PDE4D: variants seen among roughly 807,000 people sequenced by gnomAD.
PDE4D encodes phosphodiesterase 4D.
Under a neutral mutation model 87.4 loss-of-function variants are expected in PDE4D, and 24 were observed. The observed-to-expected ratio is 0.27, with a 90% CI of 0.20 to 0.39. The LOEUF (loss-of-function observed/expected upper bound fraction) is 0.39. PDE4D is among the 10% of genes least tolerant of loss of function. PDE4D has a pLI of 1.00. For missense variants in PDE4D, 714 were observed against 1,041.0 expected (o/e 0.69, Z 4.32); for synonymous variants, 384 against 383.2 (o/e 1.00, Z -0.02).
At chr5:59,000,364 T>TA (rs1389090311) in intron 6 of PDE4D, among the ~76,000 whole-genome samples, 1 of 152,178 alleles carries the variant, frequency 6.6e-6, no homozygotes, top group African/African-American at 2.4e-5. Context: ...CCAAAACAAG[T>TA]GGCTCCCTGG....
chr5:59,658,805 A>T (rs1047459359), intron 1 of PDE4D, among the ~76,000 whole-genome samples: 2 of 152,048 alleles, frequency 1.3e-5, no homozygotes, highest in Non-Finnish European at 2.9e-5. Flanking sequence ...TATAAATAAA[A>T]AAGTGTGTGT....
chr5:59,848,871 A>G (rs759826080), intron 1 of PDE4D, among the ~76,000 whole-genome samples: 9 of 151,968 alleles, frequency 5.9e-5, no homozygotes, highest in Non-Finnish European at 1.0e-4. Context: ...TTCTCCATAA[A>G]ATTTGAGAAA....
intron 2 of PDE4D, among the ~76,000 whole-genome samples, chr5:60,183,930 A>T (rs1319970637): frequency 5.9e-5 from 9 of 152,162 alleles, no homozygotes; most frequent in Admixed American, 3.9e-4. Flanking sequence ...CATTTAATTA[A>T]GTGGAAGCAT....
chr5:60,386,842 T>C (rs1038956408), intron 1 of PDE4D, among the ~76,000 whole-genome samples: 2 of 152,218 alleles, frequency 1.3e-5, no homozygotes, highest in Admixed American at 6.5e-5. Flanking sequence ...ATGGTAGATA[T>C]CTTTGATCTG....
chr5:59,145,004 T>C (rs1259892184), intron 5 of PDE4D, among the ~76,000 whole-genome samples: 1 of 151,696 alleles, frequency 6.6e-6, no homozygotes, highest in East Asian at 1.9e-4. Flanking sequence ...TATGTATCCA[T>C]GAAAAGTAAG....
intron 1 of PDE4D, among the ~76,000 whole-genome samples, chr5:59,384,672 A>G (rs1454895423): frequency 6.6e-6 from 1 of 152,068 alleles, no homozygotes; most frequent in Non-Finnish European, 1.5e-5. Context: ...AGTCTGCAAA[A>G]CTATACTATA....
intron 1 of PDE4D, chr5:59,768,651 G>GC: frequency 6.6e-7 from 1 of 1,508,452 alleles, no homozygotes; most frequent in Non-Finnish European, 8.8e-7. Context: ...TCTCTGTAGA[G>GC]CCTGGGGCTG....
intron 1 of PDE4D, among the ~76,000 whole-genome samples, chr5:59,734,667 C>T (rs186464281): frequency 5.9e-5 from 9 of 151,762 alleles, no homozygotes; most frequent in Non-Finnish European, 1.0e-4. Context: ...TAAATCATTT[C>T]GATTTCATTG....
chr5:59,592,929 G>C (rs976074742), intron 1 of PDE4D, among the ~76,000 whole-genome samples: 2 of 151,862 alleles, frequency 1.3e-5, no homozygotes, highest in Non-Finnish European at 1.5e-5. Context: ...CTTATCCGTA[G>C]CATGGAAGTA....
chr5:59,742,199 G>T (rs2150675791), intron 1 of PDE4D, among the ~76,000 whole-genome samples: 1 of 152,212 alleles, frequency 6.6e-6, no homozygotes, highest in South Asian at 2.1e-4. Flanking sequence ...GAGTAGCTGG[G>T]ATTACAGGCA....
intron 1 of PDE4D, among the ~76,000 whole-genome samples, chr5:59,321,342 C>A (rs1271871010): frequency 1.3e-5 from 2 of 152,056 alleles, no homozygotes; most frequent in Non-Finnish European, 2.9e-5. Flanking sequence ...TACTGCCCTG[C>A]CTAGACAAGA....
intron 2 of PDE4D, among the ~76,000 whole-genome samples, chr5:60,070,356 A>T (rs1000120718): frequency 2.6e-5 from 4 of 152,014 alleles, no homozygotes; most frequent in African/African-American, 9.7e-5. Flanking sequence ...TGAGGTATAT[A>T]ATATTTGTAT....
intron 5 of PDE4D, among the ~76,000 whole-genome samples, chr5:59,146,911 C>G (rs1778749140): frequency 1.3e-5 from 2 of 152,308 alleles, no homozygotes; most frequent in Admixed American, 1.3e-4. Context: ...CAGACTGCTT[C>G]CGGTCCATGG....
chr5:59,380,812 T>TTTA (rs1785657030), intron 1 of PDE4D, among the ~76,000 whole-genome samples: 1 of 151,936 alleles, frequency 6.6e-6, no homozygotes, highest in Admixed American at 6.6e-5. Context: ...ATTTTTTTTT[T>TTTA]ATTTCAAAGG....
intron 1 of PDE4D, among the ~76,000 whole-genome samples, chr5:59,236,631 C>T (rs768287653): frequency 3.9e-5 from 6 of 152,222 alleles, no homozygotes; most frequent in East Asian, 1.9e-4. Context: ...TACTCGGGAG[C>T]GGGAGTGGTG....
Position 59,946,079 on chromosome 5 carries a change from C to T in PDE4D, c.272+42409G>A, listed in dbSNP as rs1296354707. ...CTCAACAGATCATAATGTGTGGTCTCCTGAACAAACTGACCTATGTCTGAG... is the reference window on the plus strand; with the variant it reads ...CTCAACAGATCATAATGTGTGGTCTTCTGAACAAACTGACCTATGTCTGAG... On this transcript the variant is annotated intron_variant, in intron 3 of 16. Transcript: ENST00000502484. 2.6e-5 allele frequency among the ~76,000 whole-genome samples: 4 copies of T among 152,278 alleles called. No individual in the cohort carries two copies. The South Asian group carries it at 6.2e-4, about 24-fold the overall frequency.
intron 2 of PDE4D, among the ~76,000 whole-genome samples, chr5:60,170,456 T>A (rs1021187542): frequency 6.6e-6 from 1 of 151,938 alleles, no homozygotes; most frequent in Admixed American, 6.6e-5. Context: ...TTTAAATGCC[T>A]CTCCATTACC....
intron 1 of PDE4D, among the ~76,000 whole-genome samples, chr5:60,468,715 G>A (rs1375817728): frequency 6.6e-6 from 1 of 151,496 alleles, no homozygotes; most frequent in African/African-American, 2.4e-5. Context: ...TGCAAAGATG[G>A]GGATCTTACT....
intron 1 of PDE4D, among the ~76,000 whole-genome samples, chr5:60,273,858 A>T (rs1028548650): frequency 1.3e-5 from 2 of 152,208 alleles, no homozygotes; most frequent in Non-Finnish European, 2.9e-5. Context: ...AATCAAAAAA[A>T]AAATGTCCAC....
Sources: allele counts gnomAD v4.1 joint callset (sites outside exome capture counted in the v4.1 genomes callset), GRCh38; gene constraint gnomAD v4.1.1; transcripts MANE v1.5; gene names NCBI Gene and HGNC (gene_info 2026-07-23, HGNC 2026-07-21).